C10orf90: variants seen among roughly 807,000 people sequenced by gnomAD.
The protein encoded by C10orf90 is (E2-independent) E3 ubiquitin-conjugating enzyme FATS.
In C10orf90, 56 loss-of-function variants were observed where a neutral mutation model predicts 62.5. That is an observed-to-expected ratio of 0.90 (90% CI 0.72 to 1.12). C10orf90 has a LOEUF of 1.12. C10orf90 is among the 50% of genes most tolerant of loss of function. C10orf90 has a pLI of 0.00. For missense variants in C10orf90, 970 were observed against 880.4 expected (o/e 1.10, Z -1.29); for synonymous variants, 386 against 340.4 (o/e 1.13, Z -1.47).
chr10:126,654,871 T>C (rs1212248253), intron 1 of C10orf90, among the ~76,000 whole-genome samples: 1 of 152,224 alleles, frequency 6.6e-6, no homozygotes, highest in Non-Finnish European at 1.5e-5. Context: ...CAGAGGCTTA[T>C]TAATTAGCCT....
chr10:126,661,845 A>C (rs1591183042), intron 1 of C10orf90, among the ~76,000 whole-genome samples: 1 of 151,992 alleles, frequency 6.6e-6, no homozygotes, highest in Non-Finnish European at 1.5e-5. Context: ...CATTATGGTG[A>C]TGTCTTTTCT....
intron 1 of C10orf90, among the ~76,000 whole-genome samples, chr10:126,663,800 C>A (rs1846567353): frequency 6.6e-6 from 1 of 152,160 alleles, no homozygotes; most frequent in African/African-American, 2.4e-5. Flanking sequence ...TATTTAAAAA[C>A]ATAGATTTCT....
chr10:126,670,216 C>T (rs2133884185), intron 1 of C10orf90, 25 bp downstream of exon 1: 1 of 455,988 alleles, frequency 2.2e-6, no homozygotes, highest in East Asian at 7.0e-5. Context: ...CGTGTACCCA[C>T]TCACCCACCC....
At chr10:126,577,145 T>C (rs1212127431) in intron 2 of C10orf90, among the ~76,000 whole-genome samples, 1 of 151,890 alleles carries the variant, frequency 6.6e-6, no homozygotes, top group Admixed American at 6.6e-5. Context: ...GGGAGGATAT[T>C]GAATACTCCC....
intron 1 of C10orf90, among the ~76,000 whole-genome samples, chr10:126,648,559 C>T (rs10794096): frequency 0.33 from 49,969 of 152,152 alleles, 9,996 homozygotes; most frequent in Non-Finnish European, 0.43. Flanking sequence ...TCTGACTTAG[C>T]GTAGACGCGC....
At chr10:126,506,871 A>T (rs1253588814) in intron 3 of C10orf90, among the ~76,000 whole-genome samples, 1 of 152,020 alleles carries the variant, frequency 6.6e-6, no homozygotes, top group African/African-American at 2.4e-5. Context: ...CATGTTCCCC[A>T]CTAGCTGGAC....
At position 126,505,069 on chromosome 10, in the gene C10orf90, T is replaced by G. The variant is rs1353753722; in HGVS notation, c.422A>C (p.Gln141Pro). Residue 141 changes from glutamine (Q) to proline (P), a missense_variant, in exon 4 of 10, where the codon CAA (glutamine) becomes CCA (proline). Transcript: ENST00000488181. Reference sequence around the variant, plus strand: ...TATGGATGAAATCATTTTTGTGTTTTGTGATGCCAGGGTCTCCTGCAAATA... The same window carrying G: ...TATGGATGAAATCATTTTTGTGTTTGGTGATGCCAGGGTCTCCTGCAAATA... ...SDFTKETLASQNTKMISSIVI... is the reference protein window; with the variant it reads ...SDFTKETLASPNTKMISSIVI... 6.2e-7 allele frequency: 1 copy of G among 1,608,516 alleles called. No individual in the cohort carries two copies.
At chr10:126,586,640 C>A (rs1179635617) in intron 2 of C10orf90, among the ~76,000 whole-genome samples, 1 of 152,034 alleles carries the variant, frequency 6.6e-6, no homozygotes, top group Admixed American at 6.6e-5. Flanking sequence ...TTAATTGGGT[C>A]CCTTAATCCC....
At chr10:126,599,863 C>G (rs1041676325) in intron 2 of C10orf90, among the ~76,000 whole-genome samples, 1 of 152,170 alleles carries the variant, frequency 6.6e-6, no homozygotes, top group Non-Finnish European at 1.5e-5. Context: ...AGCACTGGTG[C>G]GTTTTCACTT....
intron 4 of C10orf90, among the ~76,000 whole-genome samples, chr10:126,492,077 G>T (rs1041919572): frequency 6.6e-6 from 1 of 152,150 alleles, no homozygotes; most frequent in Non-Finnish European, 1.5e-5. Flanking sequence ...AACAGAAAAA[G>T]GACATTAGAA....
intron 2 of C10orf90, among the ~76,000 whole-genome samples, chr10:126,600,412 C>A (rs1845176909): frequency 6.6e-6 from 1 of 152,176 alleles, no homozygotes; most frequent in Admixed American, 6.5e-5. Context: ...GAAACCTGTG[C>A]CTGCCATGTG....
At chr10:126,647,322 T>C (rs1846191778) in intron 1 of C10orf90, among the ~76,000 whole-genome samples, 2 of 152,186 alleles carry the variant, frequency 1.3e-5, no homozygotes, top group Admixed American at 1.3e-4. Context: ...GTCCTGATGG[T>C]CCTGTCATCA....
At chr10:126,534,468 T>C (rs1324139605) in intron 2 of C10orf90, among the ~76,000 whole-genome samples, 1 of 152,190 alleles carries the variant, frequency 6.6e-6, no homozygotes, top group Non-Finnish European at 1.5e-5. Flanking sequence ...GTCCTTAGGA[T>C]CTGTCTGAAA....
chr10:126,513,934 G>A lies in C10orf90; in HGVS notation c.319C>T (p.Arg107Trp), dbSNP rs754901315. 1.5e-5 allele frequency: 24 copies of A among 1,608,538 alleles called. No individual in the cohort carries two copies. The highest frequency in any genetic ancestry group is 3.3e-4 in the Middle Eastern group (2 of 6,076). Reference sequence around the variant, plus strand: ...TCTCTTCTACTGTGGTAGCTGTCCCGTAATCCTAGGCAAAAGAAGATAATA... The same window carrying A: ...TCTCTTCTACTGTGGTAGCTGTCCCATAATCCTAGGCAAAAGAAGATAATA... Reference protein sequence around the residue: ...RNESLSNAGLRDSYHSRRDQI... With the variant: ...RNESLSNAGLWDSYHSRRDQI... Residue 107 changes from arginine to tryptophan, a missense_variant, in exon 3 of 10, where the codon CGG becomes TGG. By Grantham distance (101) the Arg-to-Trp change is moderately radical. Coordinates refer to ENST00000488181, the MANE Select transcript of C10orf90 (RefSeq NM_001350921.2).
At chr10:126,584,957 T>C (rs181358834) in intron 2 of C10orf90, among the ~76,000 whole-genome samples, 1 of 151,888 alleles carries the variant, frequency 6.6e-6, no homozygotes, top group Non-Finnish European at 1.5e-5. Flanking sequence ...CCCCACTAGG[T>C]TGGCAAATGT....
intron 2 of C10orf90, among the ~76,000 whole-genome samples, chr10:126,607,900 C>T (rs979722190): frequency 3.3e-5 from 5 of 152,094 alleles, no homozygotes; most frequent in Non-Finnish European, 7.3e-5. Flanking sequence ...AGGACAAATA[C>T]CGTATGATTC....
At position 126,504,750 on chromosome 10, in the gene C10orf90, TG is replaced by T. The variant is rs762432781; in HGVS notation, c.740del (p.Pro247GlnfsTer58). 3 of 1,593,542 alleles carry T rather than the reference TG, an allele frequency of 1.9e-6. No individual in the cohort carries two copies. Among genetic ancestry groups the T allele is most frequent in the South Asian group, 1.1e-5 (1 of 87,848 alleles). The stretch of plus-strand genomic sequence containing the variant: ...CAGTCCCCCACACCAGGGCGCGGGC[TG>T]GGGGGCCCACGCGTCTGGCCGTGAT... ...ITITARRVGP[P>X]ARALVWGTAG... On this transcript the variant is annotated frameshift_variant, in exon 4 of 10. Transcript: ENST00000488181. LOFTEE classifies it high-confidence loss of function. The surrounding 1 kb of genome is among the most constrained non-coding windows in gnomAD (Gnocchi z 4.1).
At chr10:126,482,006 C>T (rs1861187576) in intron 4 of C10orf90, among the ~76,000 whole-genome samples, 2 of 152,224 alleles carry the variant, frequency 1.3e-5, no homozygotes, top group Non-Finnish European at 2.9e-5. Flanking sequence ...TCTGAACAGA[C>T]AGTCCTTACT....
At chr10:126,641,206 T>A (rs185522660) in intron 2 of C10orf90, among the ~76,000 whole-genome samples, 1 of 152,272 alleles carries the variant, frequency 6.6e-6, no homozygotes, top group East Asian at 1.9e-4. Context: ...TAAGGGATCC[T>A]AGAACAACCC....
Sources: allele counts gnomAD v4.1 joint callset (sites outside exome capture counted in the v4.1 genomes callset), GRCh38; gene constraint gnomAD v4.1.1; non-coding constraint Gnocchi (gnomAD v3.1); transcripts MANE v1.5; gene names NCBI Gene and HGNC (gene_info 2026-07-23, HGNC 2026-07-21).